PTP4A3: variants seen among roughly 807,000 people sequenced by gnomAD.
PTP4A3 encodes protein tyrosine phosphatase 4A3.
PTP4A3 carries 9 observed loss-of-function variants against 15.2 expected under a neutral mutation model. The observed-to-expected ratio is 0.59, with a 90% CI of 0.36 to 1.03. The LOEUF (loss-of-function observed/expected upper bound fraction) is 1.03. PTP4A3 is among the 50% of genes least tolerant of loss of function. PTP4A3 has a pLI of 0.02. For missense variants in PTP4A3, 234 were observed against 252.1 expected (o/e 0.93, Z 0.49); for synonymous variants, 95 against 102.0 (o/e 0.93, Z 0.41).
chr8:141,394,542 T>C (rs1296497786), intron 1 of PTP4A3, among the ~76,000 whole-genome samples: 7 of 152,212 alleles, frequency 4.6e-5, no homozygotes, highest in African/African-American at 1.4e-4. Flanking sequence ...AGCCCGAGGC[T>C]GGGCTAGAGG....
intron 1 of PTP4A3, among the ~76,000 whole-genome samples, chr8:141,415,921 C>T (rs573489420): frequency 1.4e-3 from 216 of 151,880 alleles, no homozygotes; most frequent in Middle Eastern, 6.8e-3. Flanking sequence ...GTCTCCCCTC[C>T]TGGCCCCCCT....
chr8:141,416,953 AC>A (rs1039192208), intron 1 of PTP4A3, among the ~76,000 whole-genome samples: 36 of 152,090 alleles, frequency 2.4e-4, no homozygotes, highest in African/African-American at 8.0e-4. Flanking sequence ...ACCTCCAGGG[AC>A]CCTGTGCTGG....
At chr8:141,424,643 G>A (rs1415183145) in intron 2 of PTP4A3, among the ~76,000 whole-genome samples, 4 of 152,098 alleles carry the variant, frequency 2.6e-5, no homozygotes, top group Non-Finnish European at 5.9e-5. Context: ...GGAGGGAGTG[G>A]TGTGCTGGGC....
At chr8:141,414,742 T>A (rs1439120528) in intron 1 of PTP4A3, among the ~76,000 whole-genome samples, 5 of 150,568 alleles carry the variant, frequency 3.3e-5, no homozygotes, top group African/African-American at 1.2e-4. Context: ...GGGATAAGGG[T>A]GGACTTCTTA....
In PTP4A3 at chr8:141,422,163, T is replaced by C. The variant is rs1586560651; in HGVS notation, c.-78T>C. The C allele has an allele frequency of 7.3e-7, 1 of 1,369,584 alleles. No homozygotes were observed. The highest frequency in any genetic ancestry group is 2.3e-5 in the East Asian group (1 of 43,310). 84.8% of individuals were successfully genotyped at this position (1,369,584 alleles called of 1,614,324 possible). A position where few individuals can be genotyped will look rare whatever the true frequency, so the allele number is the denominator to read the frequency against. On this transcript the variant is annotated 5_prime_UTR_variant, in exon 2 of 6. Transcript: ENST00000521578. Reference sequence around the variant, plus strand: ...TCTCGTTCTCCTCATTTTTTGGGGGTGTGTGGGGACTTCTCAGGTCGTGTC... The same window carrying C: ...TCTCGTTCTCCTCATTTTTTGGGGGCGTGTGGGGACTTCTCAGGTCGTGTC...
intron 2 of PTP4A3, 97 bp downstream of exon 2, chr8:141,422,442 G>A (rs777756341): frequency 3.9e-5 from 53 of 1,345,424 alleles, no homozygotes; most frequent in African/African-American, 5.8e-5. Context: ...CCCCAGCCCC[G>A]GCTGGCCAGA....
At chr8:141,400,564 C>A (rs1470905416) in intron 1 of PTP4A3, among the ~76,000 whole-genome samples, 2 of 152,346 alleles carry the variant, frequency 1.3e-5, no homozygotes, top group East Asian at 3.9e-4. Context: ...GCCATCCCCC[C>A]ACCCCCATGA....
At chr8:141,399,591 G>A (rs765659679) in intron 1 of PTP4A3, among the ~76,000 whole-genome samples, 2 of 152,268 alleles carry the variant, frequency 1.3e-5, no homozygotes, top group Non-Finnish European at 2.9e-5. Flanking sequence ...TGGGGAGCCT[G>A]GGGGAGACCC....
In PTP4A3 at chr8:141,422,214, G is replaced by A; in HGVS notation, c.-27G>A. On this transcript the variant is annotated 5_prime_UTR_variant, in exon 2 of 6. Transcript: ENST00000521578. ...CCCAGCCTTCTCTGCAGTCCCTTCT[G>A]CCCTGCCGGGCCCGTCGGGAGGCGC... 1.9e-6 allele frequency: 3 copies of A among 1,612,116 alleles called. No individual in the cohort carries two copies. The highest frequency in any genetic ancestry group is 2.5e-6 in the Non-Finnish European group (3 of 1,179,390).
At chr8:141,421,325 C>T (rs1833317821) in intron 1 of PTP4A3, 63 bp from the exon 2 acceptor site, 1 of 152,292 alleles carries the variant, frequency 6.6e-6, no homozygotes, top group Non-Finnish European at 1.5e-5. Context: ...GGCATGAACC[C>T]CTTGTGGGAG....
At chr8:141,405,881 C>T (rs1443037732) in intron 1 of PTP4A3, among the ~76,000 whole-genome samples, 1 of 151,980 alleles carries the variant, frequency 6.6e-6, no homozygotes, top group South Asian at 2.1e-4. Flanking sequence ...CCAGCACAGG[C>T]AGTGCAAGGG....
intron 1 of PTP4A3, chr8:141,392,567 C>T (rs1314261428): frequency 1.3e-5 from 2 of 152,466 alleles, no homozygotes; most frequent in Middle Eastern, 3.4e-3. Context: ...GAAAGCAGAG[C>T]GTCAGGTCTC....
In PTP4A3 at chr8:141,430,914, C is replaced by G. The variant is rs746320654; in HGVS notation, c.405-13C>G. ...TCCTTGGATGATCTCTGTTCCTGTT[C>G]CCCTCTTCCCAGGAAGCGCCGCGGA... On this transcript the variant is annotated splice_polypyrimidine_tract_variant and intron_variant, in intron 5 of 5. Transcript: ENST00000521578. 51 of 1,611,452 alleles carry G rather than the reference C, an allele frequency of 3.2e-5. No homozygotes were observed. Among genetic ancestry groups the G allele is most frequent in the Non-Finnish European group, 4.2e-5 (49 of 1,178,504 alleles).
chr8:141,418,180 G>A (rs1833142348), intron 1 of PTP4A3, among the ~76,000 whole-genome samples: 1 of 152,112 alleles, frequency 6.6e-6, no homozygotes, highest in Non-Finnish European at 1.5e-5. Context: ...TGGTTCCCCG[G>A]GACTCCCCAG....
Position 141,425,804 on chromosome 8 carries a change from G to T in PTP4A3, c.198+664G>T, listed in dbSNP as rs1329065364. Among the ~76,000 whole-genome samples the T allele has an allele frequency of 6.6e-6, 1 of 152,224 alleles. No homozygotes were observed. Among genetic ancestry groups the T allele is most frequent in the African/African-American group, 2.4e-5 (1 of 41,456 alleles). On this transcript the variant is annotated intron_variant, in intron 3 of 5. Transcript: ENST00000521578. The surrounding 1 kb of genome is among the most constrained non-coding windows in gnomAD (Gnocchi z 4.2). ...TCCCAGGACTCTGCTTTTGGCTGGG[G>T]TTGCAGTTTTGTGACCTCAGCTTGG...
intron 3 of PTP4A3, 33 bp from the exon 4 acceptor site, chr8:141,426,906 G>T (rs747298405): frequency 2.5e-6 from 4 of 1,603,192 alleles, no homozygotes; most frequent in Non-Finnish European, 3.4e-6. Flanking sequence ...CCCTCCCTCA[G>T]CCGGGGGTCC....
chr8:141,399,016 C>T (rs575396399), intron 1 of PTP4A3, among the ~76,000 whole-genome samples: 47 of 150,934 alleles, frequency 3.1e-4, no homozygotes, highest in African/African-American at 1.1e-3. Flanking sequence ...CGGCTGCTCT[C>T]CTGGCCCTGG....
chr8:141,426,603 C>A, intron 3 of PTP4A3: 1 of 985,424 alleles, frequency 1.0e-6, no homozygotes, highest in Non-Finnish European at 1.2e-6. Flanking sequence ...GGATTGTGAC[C>A]CCAGAACCAG....
At chr8:141,421,152 G>A (rs890870035) in intron 1 of PTP4A3, among the ~76,000 whole-genome samples, 2 of 152,248 alleles carry the variant, frequency 1.3e-5, no homozygotes, top group African/African-American at 2.4e-5. Context: ...TGCTGGCTGT[G>A]TGGTGGCTAC....
Sources: allele counts gnomAD v4.1 joint callset (sites outside exome capture counted in the v4.1 genomes callset), GRCh38; gene constraint gnomAD v4.1.1; non-coding constraint Gnocchi (gnomAD v3.1); transcripts MANE v1.5; gene names NCBI Gene and HGNC (gene_info 2026-07-23, HGNC 2026-07-21).